USH1C: variants seen among roughly 807,000 people sequenced by gnomAD.
USH1C encodes the protein USH1 protein network component harmonin.
USH1C carries 90 observed loss-of-function variants against 119.3 expected under a neutral mutation model. That is an observed-to-expected ratio of 0.75 (90% CI 0.64 to 0.90). USH1C has a LOEUF of 0.90. Among genes scored for constraint, USH1C ranks in the 40% least tolerant of loss-of-function variants. The probability of loss-of-function intolerance (pLI) is 0.00; values close to 1 mark genes in which losing one functional copy is unlikely to be tolerated. For synonymous variants in USH1C, 465 were observed against 443.3 expected, an observed-to-expected ratio of 1.05 and a Z score of -0.62; for missense variants, 1,165 against 1,167.7, an observed-to-expected ratio of 1.00 and a Z score of 0.03.
At chr11:17,520,715 G>A (rs997747096) in intron 14 of USH1C, among the ~76,000 whole-genome samples, 155 bp downstream of exon 14, 4 of 152,152 alleles carry the variant, frequency 2.6e-5, no homozygotes, top group African/African-American at 9.7e-5. Flanking sequence ...CTCGATGCTG[G>A]GGCAGATGGT....
intron 12 of USH1C, 106 bp downstream of exon 12, chr11:17,522,675 GGGA>G (rs1478955167): frequency 6.6e-7 from 1 of 1,514,364 alleles, no homozygotes; most frequent in Non-Finnish European, 9.1e-7. Flanking sequence ...CTGGCCTCCA[GGGA>G]GGAGGAGGAA....
rs774539210 is a variant in USH1C at position 17,505,862 on chromosome 11, T to A, written c.2101A>T (p.Ile701Phe). Residue 701 changes from isoleucine (I) to phenylalanine (F), a missense_variant, in exon 19 of 27, where the codon ATC becomes TTC. Transcript: ENST00000005226. Reference sequence around the variant, plus strand: ...TCAGATTTCACAGCTGGCCTGTAGATGAAATTGGGCTCCTGGTGGACCATG... The same window carrying A: ...TCAGATTTCACAGCTGGCCTGTAGAAGAAATTGGGCTCCTGGTGGACCATG... ...PVMVHQEPNF[I>F]YRPAVKSEVL... 1 of 1,614,116 alleles carries A rather than the reference T, an allele frequency of 6.2e-7. No individual in the cohort carries two copies. The highest frequency in any genetic ancestry group is 1.1e-5 in the South Asian group (1 of 91,072).
At chr11:17,501,584 C>T (rs367888870) in intron 21 of USH1C, 49 bp from the exon 22 acceptor site, 26 of 1,584,128 alleles carry the variant, frequency 1.6e-5, no homozygotes, top group African/African-American at 1.2e-4. Flanking sequence ...TGAAGGATGG[C>T]GCTTGGGGTA....
chr11:17,515,269 G>C (rs548644817), intron 15 of USH1C, among the ~76,000 whole-genome samples: 3 of 152,338 alleles, frequency 2.0e-5, no homozygotes, highest in East Asian at 1.9e-4. Flanking sequence ...TCTGTTCCAA[G>C]TTTATTCAAT....
At chr11:17,523,558 G>T in intron 9 of USH1C, 80 bp from the exon 10 acceptor site, 1 of 1,411,116 alleles carries the variant, frequency 7.1e-7, no homozygotes. Flanking sequence ...TCCCCCAGGG[G>T]CTCTGGGTCA....
rs1850670015 is a variant in USH1C at position 17,526,337 on chromosome 11, T to A, written c.674+10A>T. ...GCCACGAATGACCCCAGGGCATGCC[T>A]GCCACCCACCTGCAGCCAAGGCCTC... On this transcript the variant is annotated intron_variant, in intron 8 of 26. Transcript: ENST00000005226. 2 of 1,612,336 alleles carry A rather than the reference T, an allele frequency of 1.2e-6. No homozygotes were observed. Among genetic ancestry groups the A allele is most frequent in the African/African-American group, 1.3e-5 (1 of 74,902 alleles).
intron 4 of USH1C, among the ~76,000 whole-genome samples, chr11:17,530,705 C>T (rs548251922): frequency 1.3e-5 from 2 of 152,366 alleles, no homozygotes; most frequent in East Asian, 3.9e-4. Flanking sequence ...TCCACCAAGT[C>T]ACACAGCCTA....
chr11:17,501,536 C>A lies in USH1C; in HGVS notation c.2227-1G>T, dbSNP rs778110397. 7 of 1,611,760 alleles carry A rather than the reference C, an allele frequency of 4.3e-6. No homozygotes were observed. Among genetic ancestry groups the A allele is most frequent in the African/African-American group, 1.3e-5 (1 of 74,844 alleles). On this transcript the variant is annotated splice_acceptor_variant, in intron 21 of 26. Coordinates refer to ENST00000005226, the MANE Select transcript of USH1C (RefSeq NM_153676.4). LOFTEE classifies it high-confidence loss of function. ...TCCCCATGATCTGCTCTGGGGTGAA[C>A]TAGAGAGAAAAAGACAGTGGGAAGC... is the stretch of plus-strand genomic sequence containing the variant.
intron 14 of USH1C, among the ~76,000 whole-genome samples, chr11:17,520,235 G>A (rs561152936): frequency 6.6e-6 from 1 of 152,258 alleles, no homozygotes; most frequent in East Asian, 1.9e-4. Context: ...TGAAAATGGA[G>A]GTGAGGATGT....
At chr11:17,520,708 G>A (rs562718113) in intron 14 of USH1C, among the ~76,000 whole-genome samples, 162 bp downstream of exon 14, 87 of 152,258 alleles carry the variant, frequency 5.7e-4, no homozygotes, top group African/African-American at 1.9e-3. Context: ...CTCCTACCTC[G>A]ATGCTGGGGC....
intron 15 of USH1C, among the ~76,000 whole-genome samples, chr11:17,513,820 AAAAG>A (rs1210270509): frequency 8.4e-6 from 1 of 119,418 alleles, no homozygotes. Context: ...GTTGCTTAAA[AAAAG>A]AAAGAAAGAA....
chr11:17,528,591 T>C (rs2108333), intron 4 of USH1C, among the ~76,000 whole-genome samples: 100,359 of 152,176 alleles, frequency 0.66, 33,985 homozygotes, highest in African/African-American at 0.83. Context: ...ACGTGAGGGA[T>C]GCAAGCTGGA....
chr11:17,542,349 C>A (rs1312023386), intron 1 of USH1C, among the ~76,000 whole-genome samples: 1 of 152,248 alleles, frequency 6.6e-6, no homozygotes, highest in African/African-American at 2.4e-5. Flanking sequence ...TGTGCTTCAT[C>A]CTCTCTCCCC....
intron 14 of USH1C, among the ~76,000 whole-genome samples, chr11:17,518,870 T>C (rs1304512933): frequency 1.3e-5 from 2 of 152,024 alleles, no homozygotes; most frequent in Non-Finnish European, 2.9e-5. Flanking sequence ...AAATACAAAA[T>C]TAGCTGGGCT....
At chr11:17,517,516 A>G in intron 14 of USH1C, 2 of 1,554,588 alleles carry the variant, frequency 1.3e-6, no homozygotes, top group Non-Finnish European at 8.7e-7. Context: ...ACCAAAAGGG[A>G]CTTGGGAGCC....
chr11:17,516,233 T>C lies in USH1C; in HGVS notation c.1260+8A>G, dbSNP rs759890444. Reference sequence around the variant, plus strand: ...AGCACACCAGCACAGCACCCAACCCTGTCCTACCTTCCGGATGGTTGGGAA... The same window carrying C: ...AGCACACCAGCACAGCACCCAACCCCGTCCTACCTTCCGGATGGTTGGGAA... On this transcript the variant is annotated splice_region_variant and intron_variant, in intron 15 of 26. Coordinates refer to ENST00000005226, the MANE Select transcript of USH1C (RefSeq NM_153676.4). The C allele has an allele frequency of 1.2e-6, 2 of 1,613,710 alleles. No homozygotes were observed. Among genetic ancestry groups the C allele is most frequent in the Non-Finnish European group, 8.5e-7 (1 of 1,179,906 alleles).
chr11:17,501,850 G>T, intron 21 of USH1C, 89 bp downstream of exon 21: 1 of 1,459,416 alleles, frequency 6.9e-7, no homozygotes, highest in Non-Finnish European at 9.5e-7. Flanking sequence ...GGACCCCAAG[G>T]CCCAGAATGC....
At chr11:17,536,231 C>G (rs1394764826) in intron 1 of USH1C, among the ~76,000 whole-genome samples, 1 of 152,170 alleles carries the variant, frequency 6.6e-6, no homozygotes, top group Non-Finnish European at 1.5e-5. Context: ...AGTTATAACC[C>G]TGGGTGGTGA....
chr11:17,501,065 G>C lies in USH1C; in HGVS notation c.2366C>G (p.Ala789Gly). The change falls in exon 23 of 27, where the codon GCT (alanine) becomes GGT (glycine). Residue 789 changes from alanine to glycine, a missense_variant. Physicochemically the swap from Ala to Gly is moderately conservative, Grantham distance 60. Transcript: ENST00000005226. Reference sequence around the variant, plus strand: ...TCTCCACTCACCATGCCGCTCAGCAGCTCCCCGCTCATACACAGCAGAAAC... The same window carrying C: ...TCTCCACTCACCATGCCGCTCAGCACCTCCCCGCTCATACACAGCAGAAAC... ...VVVSAVYERG[A>G]AERHGGIVKG... 2.5e-6 allele frequency: 4 copies of C among 1,613,724 alleles called. No homozygotes were observed. Among genetic ancestry groups the C allele is most frequent in the African/African-American group, 1.3e-5 (1 of 75,044 alleles).
Sources: allele counts gnomAD v4.1 joint callset (sites outside exome capture counted in the v4.1 genomes callset), GRCh38; gene constraint gnomAD v4.1.1; transcripts MANE v1.5; gene names NCBI Gene and HGNC (gene_info 2026-07-23, HGNC 2026-07-21).